Variants in SLC22A17 observed in about 807,000 individuals in gnomAD.
SLC22A17 encodes 24p3 receptor.
SLC22A17 carries 38 observed loss-of-function variants against 53.6 expected under a neutral mutation model. That is an observed-to-expected ratio of 0.71 (90% CI 0.55 to 0.93). The LOEUF is 0.93. Ranked by LOEUF, SLC22A17 falls within the 40% of genes least tolerant of loss-of-function variation. SLC22A17 has a pLI of 0.00. For missense variants in SLC22A17, 704 were observed against 791.0 expected (o/e 0.89, Z 1.32); for synonymous variants, 379 against 353.0 (o/e 1.07, Z -0.82).
At position 23,352,863 on chromosome 14, in the gene SLC22A17, C is replaced by A. The variant is rs1389168163; in HGVS notation, c.-122G>T. 5.0e-6 allele frequency: 2 copies of A among 397,466 alleles called. No individual in the cohort carries two copies. The highest frequency in any genetic ancestry group is 7.1e-5 in the East Asian group (2 of 28,034). The allele number at this position is 397,466 out of a possible 1,614,324, so 24.6% of individuals were successfully genotyped here. A position where few individuals can be genotyped will look rare whatever the true frequency, so the allele number is the denominator to read the frequency against. On this transcript the variant is annotated 5_prime_UTR_variant, in exon 1 of 10. Coordinates refer to ENST00000397267, the Ensembl canonical transcript of SLC22A17. This position sits in a 1 kb window ranked among gnomAD's most constrained non-coding sequence, Gnocchi z 7.2. ...GAGATCCCGCTCTGCAGCTCTGCAG[C>A]CGCGGGCGCCTCCTTGGTCTCTGCG...
chr14:23,351,913 C>T (rs750166775), intron 2 of SLC22A17, 35 bp downstream of exon 2: 3 of 1,611,356 alleles, frequency 1.9e-6, no homozygotes, highest in South Asian at 1.1e-5. Flanking sequence ...GCTCTCTGCC[C>T]GCCCCCAGAC....
chr14:23,351,903 G>A, intron 2 of SLC22A17, 45 bp downstream of exon 2: 1 of 1,611,028 alleles, frequency 6.2e-7, no homozygotes. Context: ...CGCCCTCGCC[G>A]CTCTCTGCCC....
rs1251694402 is a variant in SLC22A17, at chr14:23,352,817, C to T, written c.-76G>A. 5.0e-6 allele frequency: 2 copies of T among 398,344 alleles called. No homozygotes were observed. The highest frequency in any genetic ancestry group is 4.1e-5 in the African/African-American group (2 of 48,618). 24.7% of individuals were successfully genotyped at this position (398,344 alleles called of 1,614,324 possible). On this transcript the variant is annotated 5_prime_UTR_variant, in exon 1 of 10. Transcript: ENST00000397267. The surrounding 1 kb of genome is among the most constrained non-coding windows in gnomAD (Gnocchi z 7.2). ...CTCTGGCTCAGTTGCGCGCCGGCTG[C>T]CCGGACACAGACAGCTCGAAGAGAT...
rs746003659 is a variant in SLC22A17 at position 23,347,683 on chromosome 14, T to A, written c.1326A>T (p.Gly442=). The A allele has an allele frequency of 8.7e-6, 14 of 1,613,834 alleles. 2 individuals carry two copies. The South Asian group carries it at 1.5e-4, about 18-fold the overall frequency. The stretch of plus-strand genomic sequence containing the variant: ...ACAGGTAGAAGTCCGATGGGCTCCC[T>A]CCTCCTCCCACAGGCTGGTAGCAGT... Residue 442 remains glycine, a synonymous_variant, in exon 8 of 10, where the codon GGA becomes GGT. Coordinates refer to ENST00000397267, the Ensembl canonical transcript of SLC22A17. This position sits in a 1 kb window ranked among gnomAD's most constrained non-coding sequence, Gnocchi z 5.1.
In SLC22A17 at chr14:23,347,545, A is replaced by C. The variant is rs1224050624; in HGVS notation, c.1464T>G (p.Ile488Met). 1 of 1,613,974 alleles carries C rather than the reference A, an allele frequency of 6.2e-7. No individual in the cohort carries two copies. The highest frequency in any genetic ancestry group is 2.2e-5 in the East Asian group (1 of 44,886). The change falls in exon 8 of 10, where the codon ATT becomes ATG. Residue 488 changes from isoleucine to methionine, a missense_variant. Physicochemically the swap from Ile to Met is conservative, Grantham distance 10 (BLOSUM62 1). This residue lies in a region of SLC22A17 where 435 missense variants were observed against 529.0 expected (regional missense o/e 0.82). Transcript: ENST00000397267. This position sits in a 1 kb window ranked among gnomAD's most constrained non-coding sequence, Gnocchi z 5.1. ...ACAGGCCCAGCAGGACCAGGGAAGC[A>C]ATGCCGGTAAGGGTCATGGAGAGAA...
In SLC22A17 at chr14:23,347,353, G is replaced by C; in HGVS notation, c.1549+107C>G. 6.6e-7 allele frequency: 1 copy of C among 1,505,688 alleles called. No individual in the cohort carries two copies. Among genetic ancestry groups the C allele is most frequent in the African/African-American group, 1.4e-5 (1 of 72,782 alleles). 93.3% of individuals were successfully genotyped at this position (1,505,688 alleles called of 1,614,324 possible). On this transcript the variant is annotated intron_variant, in intron 8 of 9. Transcript: ENST00000397267. This position sits in a 1 kb window ranked among gnomAD's most constrained non-coding sequence, Gnocchi z 5.1. ...CATTCAGTAATTGACTGGGAGAGCA[G>C]ATGGGGCTGTGGGGCCAGGTGGAGG...
chr14:23,349,095 G>A, intron 4 of SLC22A17, 177 bp downstream of exon 4: 1 of 754,220 alleles, frequency 1.3e-6, no homozygotes, highest in Non-Finnish European at 2.3e-6. Flanking sequence ...TGTCGGGAGG[G>A]GGAGATAGGT....
chr14:23,346,323 G>A (rs1426797861), exon 10 of SLC22A17: 7 of 316,184 alleles, frequency 2.2e-5, no homozygotes, highest in Admixed American at 9.9e-5. Flanking sequence ...TGATATGCTC[G>A]TTTATTCCAA....
At chr14:23,350,525 TC>T (rs1889556296) in intron 3 of SLC22A17, among the ~76,000 whole-genome samples, 1 of 152,056 alleles carries the variant, frequency 6.6e-6, no homozygotes, top group African/African-American at 2.4e-5. Flanking sequence ...GGTTACTGAT[TC>T]TTGGAGGCTG....
chr14:23,351,736 C>G lies in SLC22A17; in HGVS notation c.704+16G>C, dbSNP rs375667142. ...CCCCTCCTTTCTACCAGCCCTGCCCCCACGACAGCCCTCACCTGTCTGCGG... is the reference window on the plus strand; with the variant it reads ...CCCCTCCTTTCTACCAGCCCTGCCCGCACGACAGCCCTCACCTGTCTGCGG... On this transcript the variant is annotated intron_variant, in intron 3 of 9. Transcript: ENST00000397267. The G allele has an allele frequency of 4.4e-5, 70 of 1,607,204 alleles. No homozygotes were observed. The African/African-American group carries it at 8.3e-4, about 19-fold the overall frequency.
chr14:23,352,608 G>A lies in SLC22A17; in HGVS notation c.96+38C>T, dbSNP rs1466732315. On this transcript the variant is annotated intron_variant, in intron 1 of 9. Transcript: ENST00000397267. The surrounding 1 kb of genome is among the most constrained non-coding windows in gnomAD (Gnocchi z 7.2). The stretch of plus-strand genomic sequence containing the variant: ...CGCTCCGCGGGGGCGGGGGTGCTGG[G>A]AGAGGATGGCGTCGCCACCTGGGGC... The A allele has an allele frequency of 4.8e-6, 2 of 414,804 alleles. No individual in the cohort carries two copies. The highest frequency in any genetic ancestry group is 4.3e-5 in the Admixed American group (1 of 23,288). The allele number at this position is 414,804 out of a possible 1,614,324, so 25.7% of individuals were successfully genotyped here.
intron 3 of SLC22A17, among the ~76,000 whole-genome samples, chr14:23,350,754 T>C (rs936169511): frequency 4.6e-5 from 7 of 152,170 alleles, no homozygotes; most frequent in Non-Finnish European, 1.0e-4. Flanking sequence ...CATGGTTCCA[T>C]AGGAATGAGG....
rs1236468688 is a variant in SLC22A17, at chr14:23,347,807, C to G, written c.1278-76G>C. 5 of 1,611,590 alleles carry G rather than the reference C, an allele frequency of 3.1e-6. No individual in the cohort carries two copies. The highest frequency in any genetic ancestry group is 4.2e-6 in the Non-Finnish European group (5 of 1,178,500). On this transcript the variant is annotated intron_variant, in intron 7 of 9. Transcript: ENST00000397267. This position sits in a 1 kb window ranked among gnomAD's most constrained non-coding sequence, Gnocchi z 5.1. ...AGCCTTCTACAGTGCTGATGGTCCT[C>G]CGCAGGGGTCCCCGGGCCTTCCCAC...
chr14:23,351,944 T>C lies in SLC22A17; in HGVS notation c.600+4A>G. 7 of 1,612,124 alleles carry C rather than the reference T, an allele frequency of 4.3e-6. No individual in the cohort carries two copies. Among genetic ancestry groups the C allele is most frequent in the South Asian group, 1.1e-5 (1 of 90,970 alleles). On this transcript the variant is annotated splice_donor_region_variant and intron_variant, in intron 2 of 9. Coordinates refer to ENST00000397267, the Ensembl canonical transcript of SLC22A17. ...CAGACCCGCGGCCCGCCTGGCCGCC[T>C]CACCTGGCCGATGGCGTTGGTGGTG...
In SLC22A17 at chr14:23,348,813, A is replaced by G. The variant is rs1889423096; in HGVS notation, c.860-142T>C. ...GGCTGCAGCCATTGCCTCCCTTGCT[A>G]ACCTCTGGGTGGCAAGGACTGGGGA... On this transcript the variant is annotated intron_variant, in intron 4 of 9. Coordinates refer to ENST00000397267, the Ensembl canonical transcript of SLC22A17. The surrounding 1 kb of genome is among the most constrained non-coding windows in gnomAD (Gnocchi z 4.5). 3.4e-6 allele frequency: 3 copies of G among 887,460 alleles called. No individual in the cohort carries two copies. The highest frequency in any genetic ancestry group is 1.7e-6 in the Non-Finnish European group (1 of 598,578). The allele number at this position is 887,460 out of a possible 1,614,324, so 55.0% of individuals were successfully genotyped here.
chr14:23,349,281 A>G (rs1889464797), exon 4 of SLC22A17: 1 of 1,614,042 alleles, frequency 6.2e-7, no homozygotes, highest in Non-Finnish European at 8.5e-7. Context: ...CGCATCAGGT[A>G]GACACCCAGG....
Position 23,348,467 on chromosome 14 carries a change from A to T in SLC22A17, c.1025+39T>A. 1 of 1,601,476 alleles carries T rather than the reference A, an allele frequency of 6.2e-7. No individual in the cohort carries two copies. Among genetic ancestry groups the T allele is most frequent in the South Asian group, 1.1e-5 (1 of 89,318 alleles). On this transcript the variant is annotated intron_variant, in intron 5 of 9. Coordinates refer to ENST00000397267, the Ensembl canonical transcript of SLC22A17. The surrounding 1 kb of genome is among the most constrained non-coding windows in gnomAD (Gnocchi z 4.5). ...GGCTAGGGCTAGTTTGGAGGCAGAG[A>T]TGGGAATTGCCAGACGACAGGTGAA... is the stretch of plus-strand genomic sequence containing the variant.
At position 23,348,946 on chromosome 14, in the gene SLC22A17, C is replaced by T; in HGVS notation, c.860-275G>A. On this transcript the variant is annotated intron_variant, in intron 4 of 9. Coordinates refer to ENST00000397267, the Ensembl canonical transcript of SLC22A17. This position sits in a 1 kb window ranked among gnomAD's most constrained non-coding sequence, Gnocchi z 4.5. ...AATTTATAGGCCCTTTCCCATCAGGCCTCTTATTTGACCTTCACATCAACC... is the reference window on the plus strand; with the variant it reads ...AATTTATAGGCCCTTTCCCATCAGGTCTCTTATTTGACCTTCACATCAACC... 1.7e-6 allele frequency: 1 copy of T among 592,024 alleles called. No homozygotes were observed. The highest frequency in any genetic ancestry group is 2.8e-5 in the East Asian group (1 of 35,580). 36.7% of individuals were successfully genotyped at this position (592,024 alleles called of 1,614,324 possible).
chr14:23,349,604 G>T, intron 3 of SLC22A17, 178 bp from the exon 4 acceptor site: 2 of 679,672 alleles, frequency 2.9e-6, no homozygotes, highest in Non-Finnish European at 4.9e-6. Context: ...GTGATGCCTG[G>T]CTACTGGGCA....
Sources: allele counts gnomAD v4.1 joint callset (sites outside exome capture counted in the v4.1 genomes callset), GRCh38; gene constraint gnomAD v4.1.1; regional missense constraint gnomAD v4.1.1; non-coding constraint Gnocchi (gnomAD v3.1); transcripts MANE v1.5; gene names NCBI Gene and HGNC (gene_info 2026-07-23, HGNC 2026-07-21).